Variants in THUMPD3 observed in about 807,000 individuals in gnomAD.
THUMPD3 encodes tRNA (guanine(6)-N(2))-methyltransferase THUMP3.
In THUMPD3, 44 loss-of-function variants were observed where a neutral mutation model predicts 54.5. The observed-to-expected ratio is 0.81, with a 90% CI of 0.63 to 1.04. The LOEUF (loss-of-function observed/expected upper bound fraction) is 1.04. Ranked by LOEUF, THUMPD3 falls within the 50% of genes least tolerant of loss-of-function variation. The pLI is 0.00. For missense variants in THUMPD3, 604 were observed against 601.3 expected (o/e 1.00, Z -0.05); for synonymous variants, 196 against 201.4 (o/e 0.97, Z 0.23).
rs745658486 is a variant in THUMPD3 at position 9,371,274 on chromosome 3, C to T, written c.545C>T (p.Ser182Phe). ...KKEFTSHALD[S>F]HILDYYENPA... The stretch of plus-strand genomic sequence containing the variant: ...GAGTTCACTAGCCATGCTTTAGATT[C>T]TCATATCTTAGATTATTATGAAAAT... The change falls in exon 4 of 10, where the codon TCT becomes TTT. Residue 182 changes from serine to phenylalanine, a missense_variant. Ser to Phe is a radical substitution (Grantham distance 155). Transcript: ENST00000452837. The T allele has an allele frequency of 5.6e-6, 9 of 1,613,510 alleles. No individual in the cohort carries two copies. In the Admixed American group the frequency reaches 1.3e-4, roughly 24 times the overall value.
intron 4 of THUMPD3, among the ~76,000 whole-genome samples, chr3:9,372,773 C>T (rs2032159622): frequency 6.6e-6 from 1 of 152,102 alleles, no homozygotes; most frequent in Non-Finnish European, 1.5e-5. Context: ...GACATGTGAA[C>T]CATAGGAACT....
At chr3:9,375,077 A>G (rs1434920379) in intron 5 of THUMPD3, among the ~76,000 whole-genome samples, 1 of 152,106 alleles carries the variant, frequency 6.6e-6, no homozygotes, top group Non-Finnish European at 1.5e-5. Flanking sequence ...GGCTGGTCTC[A>G]AATACCTGAC....
intron 8 of THUMPD3, 73 bp downstream of exon 8, chr3:9,383,382 A>G: frequency 8.4e-7 from 1 of 1,197,286 alleles, no homozygotes. Flanking sequence ...AAGTCAGGAA[A>G]AAAATCTTGA....
chr3:9,366,686 A>G (rs2031591819), intron 2 of THUMPD3, among the ~76,000 whole-genome samples: 1 of 152,222 alleles, frequency 6.6e-6, no homozygotes, highest in Non-Finnish European at 1.5e-5. Context: ...AAAACACTTC[A>G]TGCTTCTCTC....
At chr3:9,375,681 C>T (rs758405618) in intron 5 of THUMPD3, among the ~76,000 whole-genome samples, 9 of 152,174 alleles carry the variant, frequency 5.9e-5, no homozygotes, top group East Asian at 1.9e-4. Flanking sequence ...TGTGTCATCA[C>T]GCAATTTCAT....
chr3:9,370,365 T>A (rs530896291), intron 3 of THUMPD3, among the ~76,000 whole-genome samples: 3 of 152,364 alleles, frequency 2.0e-5, no homozygotes, highest in African/African-American at 7.2e-5. Flanking sequence ...ACCTTTATAT[T>A]TGGCTGATAG....
At chr3:9,376,206 G>A (rs1027286772) in intron 5 of THUMPD3, among the ~76,000 whole-genome samples, 1 of 152,136 alleles carries the variant, frequency 6.6e-6, no homozygotes, top group African/African-American at 2.4e-5. Flanking sequence ...GGGTTTATTG[G>A]AAAGATAAAG....
chr3:9,386,544 T>A lies in THUMPD3; in HGVS notation c.*1856T>A, dbSNP rs921376321. On this transcript the variant is annotated 3_prime_UTR_variant, in exon 10 of 10. Coordinates refer to ENST00000452837, the MANE Select transcript of THUMPD3 (RefSeq NM_001114092.2). ...TTCTATTACATACTACAATAAAAAT[T>A]TGACAAGACTGATACAAATATGTAG... The A allele has an allele frequency of 4.6e-5, 7 of 152,204 alleles. No homozygotes were observed. The highest frequency in any genetic ancestry group is 1.0e-4 in the Non-Finnish European group (7 of 68,034). The allele number at this position is 152,204 out of a possible 1,614,324, so 9.4% of individuals were successfully genotyped here. A position where few individuals can be genotyped will look rare whatever the true frequency, so the allele number is the denominator to read the frequency against.
intron 5 of THUMPD3, among the ~76,000 whole-genome samples, chr3:9,376,565 G>T (rs998635736): frequency 1.3e-5 from 2 of 152,204 alleles, no homozygotes; most frequent in African/African-American, 4.8e-5. Flanking sequence ...CTATTGCCAT[G>T]TGTTGAGGAG....
intron 3 of THUMPD3, among the ~76,000 whole-genome samples, chr3:9,369,807 A>G (rs1311453150): frequency 6.6e-6 from 1 of 152,190 alleles, no homozygotes; most frequent in African/African-American, 2.4e-5. Flanking sequence ...CTTATTGATA[A>G]TGACAACTGT....
At chr3:9,363,425 T>G (rs1284193904) in intron 1 of THUMPD3, 1 of 152,244 alleles carries the variant, frequency 6.6e-6, no homozygotes, top group Non-Finnish European at 1.5e-5. Context: ...TTTTAGAAGA[T>G]GGAGATTGTA....
At chr3:9,384,060 CT>C in intron 8 of THUMPD3, 151 bp from the exon 9 acceptor site, 1 of 983,826 alleles carries the variant, frequency 1.0e-6, no homozygotes, top group Non-Finnish European at 1.5e-6. Flanking sequence ...ACTAACTCAA[CT>C]TATTTCATAG....
At chr3:9,370,604 CCA>C (rs2031951338) in intron 3 of THUMPD3, among the ~76,000 whole-genome samples, 1 of 152,110 alleles carries the variant, frequency 6.6e-6, no homozygotes, top group African/African-American at 2.4e-5. Flanking sequence ...GCCACCATGC[CCA>C]GTTAATTTTT....
rs1339207765 is a variant in THUMPD3 at position 9,380,532 on chromosome 3, T to G, written c.1038T>G (p.His346Gln). The change falls in exon 7 of 10, where the codon CAT (histidine) becomes CAG (glutamine). Residue 346 changes from histidine (H) to glutamine (Q), a missense_variant. His to Gln is a conservative substitution (Grantham distance 24, BLOSUM62 0). Transcript: ENST00000452837. ...EGATEWSDCF[H>Q]IAGDNNPLAV... ...CCACTGAATGGTCTGACTGTTTCCATATTGCTGGTGATAATAATCCACTGG... is the reference window on the plus strand; with the variant it reads ...CCACTGAATGGTCTGACTGTTTCCAGATTGCTGGTGATAATAATCCACTGG... 1 of 1,613,578 alleles carries G rather than the reference T, an allele frequency of 6.2e-7. No individual in the cohort carries two copies. Among genetic ancestry groups the G allele is most frequent in the Non-Finnish European group, 8.5e-7 (1 of 1,179,682 alleles).
chr3:9,383,165 A>G, intron 7 of THUMPD3, 34 bp from the exon 8 acceptor site: 9 of 1,422,694 alleles, frequency 6.3e-6, no homozygotes, highest in Non-Finnish European at 8.9e-6. Context: ...TATGCTTCAC[A>G]GTATGTTGAA....
At chr3:9,364,707 G>A (rs2031356034) in intron 1 of THUMPD3, among the ~76,000 whole-genome samples, 1 of 152,252 alleles carries the variant, frequency 6.6e-6, no homozygotes, top group African/African-American at 2.4e-5. Flanking sequence ...GGATTTGAAT[G>A]TGATCTGCAG....
intron 5 of THUMPD3, among the ~76,000 whole-genome samples, 198 bp downstream of exon 5, chr3:9,374,844 A>G (rs943808025): frequency 2.0e-5 from 3 of 152,098 alleles, no homozygotes; most frequent in African/African-American, 7.2e-5. Context: ...ATACTGCTTA[A>G]TAGGTGGCTC....
intron 4 of THUMPD3, 88 bp downstream of exon 4, chr3:9,371,624 A>C: frequency 8.8e-7 from 1 of 1,135,274 alleles, no homozygotes; most frequent in Non-Finnish European, 1.3e-6. Flanking sequence ...TGCACAATTA[A>C]ACTGAGGAAA....
chr3:9,382,493 A>G (rs1313762237), intron 7 of THUMPD3, among the ~76,000 whole-genome samples: 1 of 152,150 alleles, frequency 6.6e-6, no homozygotes, highest in Non-Finnish European at 1.5e-5. Flanking sequence ...AATTACCTAT[A>G]TATTTGCCAA....
Sources: gnomAD v4.1 joint callset for allele counts (sites outside exome capture counted in the v4.1 genomes callset) on GRCh38, gnomAD v4.1.1 for gene constraint, MANE v1.5 for transcripts, NCBI Gene and HGNC (gene_info 2026-07-23, HGNC 2026-07-21) for gene names.